FRMD5: variants seen among roughly 807,000 people sequenced by gnomAD.
FRMD5 encodes FERM domain-containing protein 5.
In FRMD5, 20 loss-of-function variants were observed where a neutral mutation model predicts 69.0. That is an observed-to-expected ratio of 0.29 (90% CI 0.20 to 0.42). The LOEUF (loss-of-function observed/expected upper bound fraction) is 0.42, where lower values mean the gene tolerates loss of function less well. Ranked by LOEUF, FRMD5 falls within the 10% of genes least tolerant of loss-of-function variation. The probability of loss-of-function intolerance (pLI) is 1.00; values close to 1 mark genes in which losing one functional copy is unlikely to be tolerated. For missense variants in FRMD5, 595 were observed against 708.6 expected, an observed-to-expected ratio of 0.84 and a Z score of 1.82; for synonymous variants, 271 against 260.1, an observed-to-expected ratio of 1.04 and a Z score of -0.40.
chr15:43,936,352 C>G (rs1030259318), intron 1 of FRMD5, among the ~76,000 whole-genome samples: 10 of 152,148 alleles, frequency 6.6e-5, no homozygotes, highest in African/African-American at 2.2e-4. Flanking sequence ...CCACCACACC[C>G]AGTTAATTTT....
At chr15:43,958,306 T>C (rs763991478) in intron 1 of FRMD5, among the ~76,000 whole-genome samples, 16 of 151,946 alleles carry the variant, frequency 1.1e-4, no homozygotes, top group East Asian at 1.9e-4. Flanking sequence ...TAGAGTACCA[T>C]TGATGGACTG....
chr15:43,908,177 AT>A (rs1309978503), intron 5 of FRMD5, among the ~76,000 whole-genome samples: 1 of 152,048 alleles, frequency 6.6e-6, no homozygotes, highest in African/African-American at 2.4e-5. Flanking sequence ...AAAATTAAAA[AT>A]TTAGTTGGGT....
intron 1 of FRMD5, among the ~76,000 whole-genome samples, chr15:43,946,954 T>G (rs1343816976): frequency 6.6e-6 from 1 of 152,234 alleles, no homozygotes; most frequent in Non-Finnish European, 1.5e-5. Flanking sequence ...TAACACCATT[T>G]CTAGCATTAA....
intron 1 of FRMD5, among the ~76,000 whole-genome samples, chr15:43,956,554 A>T (rs12592921): frequency 2.6e-5 from 4 of 152,090 alleles, no homozygotes; most frequent in African/African-American, 9.7e-5. Flanking sequence ...ATTAAGAAAA[A>T]TAGATTGAAT....
At position 43,874,019 on chromosome 15, in the gene FRMD5, G is replaced by A. The variant is rs1178155029; in HGVS notation, c.1579C>T (p.Leu527Phe). The A allele has an allele frequency of 1.9e-6, 3 of 1,614,106 alleles. No individual in the cohort carries two copies. The Admixed American group carries it at 5.0e-5, about 27-fold the overall frequency. Residue 527 changes from leucine (L) to phenylalanine (F), a missense_variant, in exon 14 of 14, where the codon CTT becomes TTT. Physicochemically the swap from Leu to Phe is conservative, Grantham distance 22. This residue lies in a region of FRMD5 where 245 missense variants were observed against 227.1 expected (regional missense o/e 1.08). Coordinates refer to ENST00000417257, the MANE Select transcript of FRMD5 (RefSeq NM_032892.5). ...LLLIILTESD[L>F]DIAFFRDIRQ... ...ATATCACGGAAAAAGGCAATGTCAAGGTCAGACTCGGTAAGGATGATCAGG... is the reference window on the plus strand; with the variant it reads ...ATATCACGGAAAAAGGCAATGTCAAAGTCAGACTCGGTAAGGATGATCAGG...
chr15:44,035,914 C>T (rs4923971), intron 1 of FRMD5, among the ~76,000 whole-genome samples: 24,205 of 152,098 alleles, frequency 0.16, 2,227 homozygotes, highest in Middle Eastern at 0.28. Flanking sequence ...CTGAAGCCAA[C>T]TAACTAGAAT....
intron 1 of FRMD5, among the ~76,000 whole-genome samples, chr15:43,939,309 T>C (rs2089821281): frequency 6.6e-6 from 1 of 152,190 alleles, no homozygotes; most frequent in Admixed American, 6.5e-5. Flanking sequence ...AAAGGTTATA[T>C]ACAACCTCTC....
intron 1 of FRMD5, among the ~76,000 whole-genome samples, chr15:44,041,264 C>T (rs1056105865): frequency 3.3e-5 from 5 of 152,060 alleles, no homozygotes; most frequent in Non-Finnish European, 7.4e-5. Context: ...GACTTTAACA[C>T]CCACTGTCAA....
In FRMD5 at chr15:43,919,456, C is replaced by T; in HGVS notation, c.329+3G>A. ...ATGGCTGCGGGAAGCATGTTCACCT[C>T]ACCTGGTTATTTCTTCTTTCAGAGC... is the stretch of plus-strand genomic sequence containing the variant. On this transcript the variant is annotated splice_donor_region_variant and intron_variant, in intron 4 of 13. Coordinates refer to ENST00000417257, the MANE Select transcript of FRMD5 (RefSeq NM_032892.5). The T allele has an allele frequency of 6.2e-7, 1 of 1,613,768 alleles. No individual in the cohort carries two copies.
At chr15:43,915,128 T>A (rs985075783) in intron 4 of FRMD5, among the ~76,000 whole-genome samples, 3 of 152,204 alleles carry the variant, frequency 2.0e-5, no homozygotes, top group Admixed American at 6.5e-5. Context: ...CAACCTGGGA[T>A]TTGAAGCCAG....
chr15:44,134,444 G>A (rs1019294234), intron 1 of FRMD5, among the ~76,000 whole-genome samples: 1 of 151,658 alleles, frequency 6.6e-6, no homozygotes, highest in African/African-American at 2.4e-5. Flanking sequence ...GGATAGAGAG[G>A]TATATTTTAT....
intron 7 of FRMD5, 143 bp from the exon 8 acceptor site, chr15:43,892,212 C>G (rs1262002610): frequency 5.4e-6 from 4 of 740,344 alleles, no homozygotes; most frequent in Non-Finnish European, 9.1e-6. Context: ...ATCACAAGAC[C>G]ATAGTTTGAG....
chr15:43,878,571 C>T (rs931888205), intron 13 of FRMD5, among the ~76,000 whole-genome samples: 4 of 152,196 alleles, frequency 2.6e-5, no homozygotes, highest in African/African-American at 9.6e-5. Flanking sequence ...GGAATATGTA[C>T]CTTGGGACAG....
chr15:44,062,066 G>C (rs541503103), intron 1 of FRMD5, among the ~76,000 whole-genome samples: 1 of 152,280 alleles, frequency 6.6e-6, no homozygotes, highest in Non-Finnish European at 1.5e-5. Context: ...AATACAATCT[G>C]AACAGCCTTG....
At chr15:44,189,642 G>A (rs1036719875) in intron 1 of FRMD5, among the ~76,000 whole-genome samples, 7 of 151,946 alleles carry the variant, frequency 4.6e-5, no homozygotes, top group East Asian at 3.9e-4. Flanking sequence ...GCATGTAACA[G>A]CACACACCTG....
At chr15:44,135,513 C>T (rs75553627) in intron 1 of FRMD5, among the ~76,000 whole-genome samples, 2,729 of 152,184 alleles carry the variant, frequency 0.018, 84 homozygotes, top group African/African-American at 0.063. Flanking sequence ...TGTGTTGTGA[C>T]TCTGACATCA....
At chr15:44,036,468 A>G (rs947114162) in intron 1 of FRMD5, among the ~76,000 whole-genome samples, 12 of 152,170 alleles carry the variant, frequency 7.9e-5, no homozygotes, top group African/African-American at 2.9e-4. Context: ...GGGCCCTTGC[A>G]GCCGATTGGG....
At chr15:44,161,269 A>G (rs959913914) in intron 1 of FRMD5, among the ~76,000 whole-genome samples, 3 of 152,200 alleles carry the variant, frequency 2.0e-5, no homozygotes, top group African/African-American at 7.2e-5. Context: ...CTTCCTCCAG[A>G]AAGTCTTCTC....
chr15:44,167,788 G>T (rs895116231), intron 1 of FRMD5, among the ~76,000 whole-genome samples: 1 of 151,998 alleles, frequency 6.6e-6, no homozygotes, highest in African/African-American at 2.4e-5. Flanking sequence ...ACGGGGTTTC[G>T]CTATGTTGGC....
Sources: allele counts gnomAD v4.1 joint callset (sites outside exome capture counted in the v4.1 genomes callset), GRCh38; gene constraint gnomAD v4.1.1; regional missense constraint gnomAD v4.1.1; transcripts MANE v1.5; gene names NCBI Gene and HGNC (gene_info 2026-07-23, HGNC 2026-07-21).